CASZ1: variants seen among roughly 807,000 people sequenced by gnomAD.
CASZ1 encodes the protein castor zinc finger 1, also known as zinc finger protein castor homolog 1.
In CASZ1, 28 loss-of-function variants were observed where a neutral mutation model predicts 135.2. The observed-to-expected ratio is 0.21, with a 90% confidence interval of 0.15 to 0.28. The LOEUF is 0.28. Ranked by LOEUF, CASZ1 falls within the 10% of genes least tolerant of loss-of-function variation. The pLI, the probability that CASZ1 is intolerant of heterozygous loss-of-function variation, is 1.00. For missense variants in CASZ1, 2,161 were observed against 2,453.3 expected (o/e 0.88, Z 2.52); for synonymous variants, 1,068 against 1,073.4 (o/e 0.99, Z 0.10).
intron 2 of CASZ1, among the ~76,000 whole-genome samples, chr1:10,753,775 G>A (rs942465682): frequency 3.3e-5 from 5 of 152,194 alleles, no homozygotes; most frequent in Admixed American, 1.3e-4. Context: ...CAAGAAGGGC[G>A]ATCCGGGCAC....
chr1:10,654,378 C>T (rs984730459), intron 10 of CASZ1, 41 bp downstream of exon 10: 2 of 1,601,846 alleles, frequency 1.2e-6, no homozygotes, highest in Admixed American at 3.4e-5. Flanking sequence ...CCTTCCCTCC[C>T]CGCTTCTGCC....
intron 20 of CASZ1, among the ~76,000 whole-genome samples, chr1:10,641,422 G>A (rs1642197289): frequency 6.6e-6 from 1 of 152,190 alleles, no homozygotes; most frequent in Non-Finnish European, 1.5e-5. Context: ...AGCCCGGGTG[G>A]TGTCTACGCT....
intron 11 of CASZ1, 144 bp downstream of exon 11, chr1:10,653,233 T>C (rs1642655307): frequency 2.2e-6 from 2 of 890,460 alleles, no homozygotes; most frequent in South Asian, 1.5e-5. Flanking sequence ...GGGGCGAAGA[T>C]CAGGCAAAGA....
chr1:10,773,649 G>A (rs1640612854), intron 1 of CASZ1, among the ~76,000 whole-genome samples: 1 of 152,020 alleles, frequency 6.6e-6, no homozygotes, highest in Non-Finnish European at 1.5e-5. Flanking sequence ...GGAACGCATG[G>A]ACCAGGCAAC....
At chr1:10,784,515 C>T (rs1308809392) in intron 1 of CASZ1, among the ~76,000 whole-genome samples, 4 of 152,182 alleles carry the variant, frequency 2.6e-5, no homozygotes, top group African/African-American at 4.8e-5. Flanking sequence ...ACAGACCCCA[C>T]ACCCTCCAGT....
rs1640621276 is a variant in CASZ1 at position 10,774,105 on chromosome 1, C to T, written c.-233-13248G>A. Among the ~76,000 whole-genome samples, 2 of 152,148 alleles carry T rather than the reference C, an allele frequency of 1.3e-5. No individual in the cohort carries two copies. The highest frequency in any genetic ancestry group is 2.9e-5 in the Non-Finnish European group (2 of 68,036). On this transcript the variant is annotated intron_variant, in intron 1 of 20. Transcript: ENST00000377022. The surrounding 1 kb of genome is among the most constrained non-coding windows in gnomAD (Gnocchi z 4.4). ...CAGGTGCTCCTGGGGTCCTCCACCG[C>T]CAGGCCCACAAGGGGCACTGCACTA... is the stretch of plus-strand genomic sequence containing the variant.
Position 10,655,727 on chromosome 1 carries a change from G to T in CASZ1, c.1587C>A (p.Phe529Leu). ...AGACGCTGCAGTCGTCCAGCGGGCT[G>T]AAACGCATGAAGCCGTGCTGCAGGG... ...DNSLQHGFMRFSPLDDCSVYY... is the reference protein window; with the variant it reads ...DNSLQHGFMRLSPLDDCSVYY... The change falls in exon 9 of 21, where the codon TTC becomes TTA. Residue 529 changes from phenylalanine to leucine, a missense_variant. Phe to Leu is a conservative substitution (Grantham distance 22). Coordinates refer to ENST00000377022, the MANE Select transcript of CASZ1 (RefSeq NM_001079843.3). 1 of 1,614,210 alleles carries T rather than the reference G, an allele frequency of 6.2e-7. No individual in the cohort carries two copies. Among genetic ancestry groups the T allele is most frequent in the Non-Finnish European group, 8.5e-7 (1 of 1,179,998 alleles).
intron 4 of CASZ1, among the ~76,000 whole-genome samples, chr1:10,673,705 G>A (rs368224724): frequency 6.6e-6 from 1 of 152,344 alleles, no homozygotes; most frequent in East Asian, 1.9e-4. Context: ...CATCTGGGGG[G>A]CTCTCACCTC....
chr1:10,683,758 T>C (rs1638500300), intron 4 of CASZ1, among the ~76,000 whole-genome samples: 1 of 152,148 alleles, frequency 6.6e-6, no homozygotes, highest in Non-Finnish European at 1.5e-5. Context: ...AGATGGGCAC[T>C]CCGGGATGCC....
At position 10,647,705 on chromosome 1, in the gene CASZ1, T is replaced by C. The variant is rs1367951148; in HGVS notation, c.3497+96A>G. ...AGAGAGGCTGGGGACAGCAGCACCATCCGCAGTGAGGAACAGGGCCTCCTA... is the reference window on the plus strand; with the variant it reads ...AGAGAGGCTGGGGACAGCAGCACCACCCGCAGTGAGGAACAGGGCCTCCTA... On this transcript the variant is annotated intron_variant, in intron 16 of 20. Transcript: ENST00000377022. The surrounding 1 kb of genome is among the most constrained non-coding windows in gnomAD (Gnocchi z 4.9). 6 of 1,572,040 alleles carry C rather than the reference T, an allele frequency of 3.8e-6. No individual in the cohort carries two copies. In the Admixed American group the frequency reaches 1.1e-4, roughly 28 times the overall value.
At chr1:10,740,292 C>G (rs1050718593) in intron 2 of CASZ1, among the ~76,000 whole-genome samples, 1 of 152,190 alleles carries the variant, frequency 6.6e-6, no homozygotes. Flanking sequence ...ACTTCAGGCC[C>G]CAGCTCTGCC....
chr1:10,671,846 C>T (rs1298391863), intron 4 of CASZ1, among the ~76,000 whole-genome samples: 1 of 152,240 alleles, frequency 6.6e-6, no homozygotes, highest in Non-Finnish European at 1.5e-5. Flanking sequence ...ATGCAGTGCA[C>T]TGGAGGGTGC....
chr1:10,739,432 G>A lies in CASZ1; in HGVS notation c.-77+21269C>T, dbSNP rs1639871155. On this transcript the variant is annotated intron_variant, in intron 2 of 20. Coordinates refer to ENST00000377022, the MANE Select transcript of CASZ1 (RefSeq NM_001079843.3). The surrounding 1 kb of genome is among the most constrained non-coding windows in gnomAD (Gnocchi z 4.8). The stretch of plus-strand genomic sequence containing the variant: ...CAGGGAAGGGCATGGGGCACAGCAT[G>A]TGTGTGGCCCACACAAGGGCGGTCT... Among the ~76,000 whole-genome samples, 1 of 152,124 alleles carries A rather than the reference G, an allele frequency of 6.6e-6. No homozygotes were observed. Among genetic ancestry groups the A allele is most frequent in the East Asian group, 1.9e-4 (1 of 5,178 alleles).
Position 10,689,923 on chromosome 1 carries a change from C to A in CASZ1, c.16+3951G>T, listed in dbSNP as rs114772295. On this transcript the variant is annotated intron_variant, in intron 4 of 20. Transcript: ENST00000377022. ...TCTGTTTGAATGGTACCAGGAAACTCATGACTTCCGAGATGGCCCATTCTG... is the reference window on the plus strand; with the variant it reads ...TCTGTTTGAATGGTACCAGGAAACTAATGACTTCCGAGATGGCCCATTCTG... Among the ~76,000 whole-genome samples, 819 of 152,336 alleles carry A rather than the reference C, an allele frequency of 5.4e-3. 5 individuals are homozygous for A. The highest frequency in any genetic ancestry group is 0.018 in the African/African-American group (758 of 41,574).
At position 10,679,037 on chromosome 1, in the gene CASZ1, A is replaced by G. The variant is rs1282928744; in HGVS notation, c.17-13466T>C. Among the ~76,000 whole-genome samples the G allele has an allele frequency of 7.2e-5, 11 of 151,870 alleles. No individual in the cohort carries two copies. The highest frequency in any genetic ancestry group is 6.5e-4 in the Admixed American group (10 of 15,274). ...CACCCCTGGCTTCCGCTCTCTGGCT[A>G]TCTCTGGCCTATGCGTGTCCCCTCA... On this transcript the variant is annotated intron_variant, in intron 4 of 20. Coordinates refer to ENST00000377022, the MANE Select transcript of CASZ1 (RefSeq NM_001079843.3). This position sits in a 1 kb window ranked among gnomAD's most constrained non-coding sequence, Gnocchi z 4.7.
In CASZ1 at chr1:10,757,493, T is replaced by A. The variant is rs1640281670; in HGVS notation, c.-77+3208A>T. Among the ~76,000 whole-genome samples the A allele has an allele frequency of 6.6e-6, 1 of 152,070 alleles. No individual in the cohort carries two copies. Among genetic ancestry groups the A allele is most frequent in the Admixed American group, 6.6e-5 (1 of 15,266 alleles). On this transcript the variant is annotated intron_variant, in intron 2 of 20. Transcript: ENST00000377022. The surrounding 1 kb of genome is among the most constrained non-coding windows in gnomAD (Gnocchi z 4.6). ...CCCTTGGCAGCCCCAACTACCTTTT[T>A]AAAACAAACATTGGCTGGGTGCAGT...
intron 1 of CASZ1, among the ~76,000 whole-genome samples, chr1:10,790,619 T>C (rs1005954386): frequency 3.3e-5 from 5 of 152,244 alleles, no homozygotes; most frequent in African/African-American, 1.2e-4. Context: ...TTATTTTCAA[T>C]GCCAAAAGCC....
chr1:10,653,564 T>C lies in CASZ1; in HGVS notation c.2493A>G (p.Ser831=), dbSNP rs1164725364. ...LGAVSSGSAA[S]ATPDTPTLVA... ...CCAGCGTGGGTGTGTCAGGGGTGGCTGAGGCTGCTGACCCAGACGACACGG... is the reference window on the plus strand; with the variant it reads ...CCAGCGTGGGTGTGTCAGGGGTGGCCGAGGCTGCTGACCCAGACGACACGG... Residue 831 remains serine, a synonymous_variant, in exon 11 of 21, where the codon TCA becomes TCG. Coordinates refer to ENST00000377022, the MANE Select transcript of CASZ1 (RefSeq NM_001079843.3). The C allele has an allele frequency of 3.2e-6, 5 of 1,577,208 alleles. No individual in the cohort carries two copies. In the South Asian group the frequency reaches 4.7e-5, roughly 15 times the overall value.
In CASZ1 at chr1:10,655,785, C is replaced by T. The variant is rs1298788825; in HGVS notation, c.1529G>A (p.Arg510His). The change falls in exon 9 of 21, where the codon CGC becomes CAC. Residue 510 changes from arginine (R) to histidine (H), a missense_variant. Arg to His is a conservative substitution (Grantham distance 29). Coordinates refer to ENST00000377022, the MANE Select transcript of CASZ1 (RefSeq NM_001079843.3). The part of the protein sequence containing the change: ...QRFTSKQDVI[R>H]HYNMHKKRDN... ...GCGCTTCTTGTGCATGTTGTAGTGG[C>T]GGATCACGTCCTGCTTACTCGTGAA... 1.9e-6 allele frequency: 3 copies of T among 1,614,014 alleles called. No homozygotes were observed. The highest frequency in any genetic ancestry group is 1.3e-5 in the African/African-American group (1 of 74,926).
Sources: allele counts gnomAD v4.1 joint callset (sites outside exome capture counted in the v4.1 genomes callset), GRCh38; gene constraint gnomAD v4.1.1; non-coding constraint Gnocchi (gnomAD v3.1); transcripts MANE v1.5; gene names NCBI Gene and HGNC (gene_info 2026-07-23, HGNC 2026-07-21).